The following DOCK6 variants were observed in gnomAD, a reference collection of about 807,000 sequenced individuals.
DOCK6 encodes the protein dedicator of cytokinesis 6.
In DOCK6, 167 loss-of-function variants were observed where a neutral mutation model predicts 230.3. The ratio of observed to expected loss-of-function variants is 0.73; its 90% CI spans 0.64 to 0.82. The LOEUF is 0.82. DOCK6 is among the 40% of genes least tolerant of loss of function. The pLI is 0.00. For missense variants in DOCK6, 2,598 were observed against 2,825.8 expected (o/e 0.92, Z 1.83); for synonymous variants, 1,148 against 1,185.0 (o/e 0.97, Z 0.64).
chr19:11,242,091 G>T lies in DOCK6; in HGVS notation c.1597C>A (p.Leu533Met), dbSNP rs748964635. The T allele has an allele frequency of 1.3e-6, 2 of 1,538,456 alleles. No individual in the cohort carries two copies. Among genetic ancestry groups the T allele is most frequent in the South Asian group, 2.6e-5 (2 of 77,870 alleles). Residue 533 changes from leucine to methionine, a missense_variant, in exon 14 of 48, where the codon CTG (leucine) becomes ATG (methionine). Physicochemically the swap from Leu to Met is conservative, Grantham distance 15. Coordinates refer to ENST00000294618, the MANE Select transcript of DOCK6 (RefSeq NM_020812.4). ...DPRGRPTKEILEFPAREVYAP... is the reference protein window; with the variant it reads ...DPRGRPTKEIMEFPAREVYAP... ...TAGACTTCGCGGGCGGGGAACTCCA[G>T]AATCTCCTTGGTGGGCCGGCCCCTG... is the stretch of plus-strand genomic sequence containing the variant.
chr19:11,203,720 A>T (rs2079208898), intron 41 of DOCK6: 1 of 367,468 alleles, frequency 2.7e-6, no homozygotes, highest in Non-Finnish European at 5.0e-6. Context: ...AGATACCAAG[A>T]TAGGGAGAGC....
intron 22 of DOCK6, among the ~76,000 whole-genome samples, chr19:11,231,089 G>A (rs1013418978): frequency 2.0e-5 from 3 of 152,176 alleles, no homozygotes; most frequent in Non-Finnish European, 4.4e-5. Flanking sequence ...ACTGCCCAAA[G>A]GCCCCCCCTG....
Position 11,236,176 on chromosome 19 carries a change from G to A in DOCK6, c.2392+170C>T, listed in dbSNP as rs568385417. On this transcript the variant is annotated intron_variant, in intron 20 of 47. Transcript: ENST00000294618. This position sits in a 1 kb window ranked among gnomAD's most constrained non-coding sequence, Gnocchi z 5.2. ...ATGACAGGCGTGAACCGCTGCACCC[G>A]GGCCAAAGGGTCACAGAAGACCTTC... 5.2e-5 allele frequency: 37 copies of A among 711,634 alleles called. No individual in the cohort carries two copies. The highest frequency in any genetic ancestry group is 1.6e-4 in the African/African-American group (9 of 55,914). 44.1% of individuals were successfully genotyped at this position (711,634 alleles called of 1,614,324 possible).
rs754447735 is a variant in DOCK6 at position 11,215,864 on chromosome 19, G to A, written c.3958C>T (p.Arg1320Trp). The A allele has an allele frequency of 5.0e-6, 8 of 1,613,870 alleles. No individual in the cohort carries two copies. Among genetic ancestry groups the A allele is most frequent in the South Asian group, 1.1e-5 (1 of 91,072 alleles). Residue 1320 changes from arginine to tryptophan, a missense_variant, in exon 31 of 48, where the codon CGG becomes TGG. By Grantham distance (101) the Arg-to-Trp change is moderately radical. Transcript: ENST00000294618. ...GTACCCAGAATGGCTTCCTCTAGCCGCGCCTTCATATCCAGAGATTTTTTG... is the reference window on the plus strand; with the variant it reads ...GTACCCAGAATGGCTTCCTCTAGCCACGCCTTCATATCCAGAGATTTTTTG... ...TFKKSLDMKA[R>W]LEEAILGTIG...
intron 8 of DOCK6, 50 bp from the exon 9 acceptor site, chr19:11,245,762 C>A (rs1407003262): frequency 6.2e-7 from 1 of 1,604,470 alleles, no homozygotes; most frequent in Non-Finnish European, 8.5e-7. Flanking sequence ...AGCCCACAGC[C>A]CCCCAACAAG....
intron 21 of DOCK6, among the ~76,000 whole-genome samples, chr19:11,234,140 C>T (rs1037767027): frequency 7.2e-5 from 11 of 152,154 alleles, no homozygotes; most frequent in Non-Finnish European, 1.6e-4. Flanking sequence ...GCTGGGACTA[C>T]AGGCGTGAGC....
At chr19:11,237,258 A>G (rs774130349) in intron 18 of DOCK6, 198 bp downstream of exon 18, 3 of 641,776 alleles carry the variant, frequency 4.7e-6, no homozygotes, top group Non-Finnish European at 8.2e-6. Flanking sequence ...GGAATGGAGC[A>G]GAGAGGCAAT....
chr19:11,230,130 G>A (rs942658871), intron 22 of DOCK6, among the ~76,000 whole-genome samples: 5 of 151,448 alleles, frequency 3.3e-5, no homozygotes, highest in Admixed American at 1.3e-4. Context: ...TCAGGAGATC[G>A]AGACCATCCT....
chr19:11,213,403 G>A (rs2079427586), intron 34 of DOCK6, 75 bp from the exon 35 acceptor site: 26 of 1,536,434 alleles, frequency 1.7e-5, no homozygotes, highest in Non-Finnish European at 2.2e-5. Context: ...GCCCAAATGA[G>A]GACTGCTTGG....
chr19:11,251,091 C>T lies in DOCK6; in HGVS notation c.508-5G>A, dbSNP rs764200144. On this transcript the variant is annotated splice_polypyrimidine_tract_variant and splice_region_variant and intron_variant, in intron 5 of 47. Coordinates refer to ENST00000294618, the MANE Select transcript of DOCK6 (RefSeq NM_020812.4). The stretch of plus-strand genomic sequence containing the variant: ...CGAGCCACGCCGGGAGTCATTCTGC[C>T]AGTGGAGAATGTGCAAGCACTGAGT... The T allele has an allele frequency of 6.8e-6, 11 of 1,606,898 alleles. No homozygotes were observed. The East Asian group carries it at 2.0e-4, about 29-fold the overall frequency.
In DOCK6 at chr19:11,243,676, G is replaced by A. The variant is rs1311161300; in HGVS notation, c.1139C>T (p.Ala380Val). Reference protein sequence around the residue: ...KEKLEKLRLAAEQFCTRLGRY... With the variant: ...KEKLEKLRLAVEQFCTRLGRY... The stretch of plus-strand genomic sequence containing the variant: ...GCCCAGGCGGGTGCAGAACTGCTCG[G>A]CCGCCAGGCGCAGCTTCTCTAGCTT... Residue 380 changes from alanine to valine, a missense_variant, in exon 11 of 48, where the codon GCC becomes GTC. Physicochemically the swap from Ala to Val is moderately conservative, Grantham distance 64 (BLOSUM62 0). Coordinates refer to ENST00000294618, the MANE Select transcript of DOCK6 (RefSeq NM_020812.4). This position sits in a 1 kb window ranked among gnomAD's most constrained non-coding sequence, Gnocchi z 6.3. The A allele has an allele frequency of 9.3e-6, 15 of 1,613,192 alleles. No homozygotes were observed. Among genetic ancestry groups the A allele is most frequent in the Admixed American group, 1.7e-5 (1 of 59,970 alleles).
Position 11,202,399 on chromosome 19 carries a change from G to T in DOCK6, c.5446C>A (p.Gln1816Lys). 2 of 1,613,760 alleles carry T rather than the reference G, an allele frequency of 1.2e-6. No individual in the cohort carries two copies. Among genetic ancestry groups the T allele is most frequent in the Non-Finnish European group, 1.7e-6 (2 of 1,179,806 alleles). ...GAAATGGTTGGGGGACCCACCTTTT[G>T]TGAGTCAAGCTTGGACTTGTCCACA... ...NPVDKSKLDS[Q>K]KAYIQITYVE... The change falls in exon 43 of 48, where the codon CAA (glutamine) becomes AAA (lysine). Residue 1816 changes from glutamine (Q) to lysine (K), a missense_variant. Physicochemically the swap from Gln to Lys is moderately conservative, Grantham distance 53. Transcript: ENST00000294618. The surrounding 1 kb of genome is among the most constrained non-coding windows in gnomAD (Gnocchi z 5.3).
chr19:11,212,707 C>T (rs1223209271), intron 35 of DOCK6, among the ~76,000 whole-genome samples: 1 of 151,218 alleles, frequency 6.6e-6, no homozygotes, highest in Non-Finnish European at 1.5e-5. Context: ...GGATTACAGG[C>T]ACCCGCCACC....
Position 11,202,557 on chromosome 19 carries a change from G to T in DOCK6, c.5361+27C>A, listed in dbSNP as rs1420685055. On this transcript the variant is annotated intron_variant, in intron 42 of 47. Transcript: ENST00000294618. This position sits in a 1 kb window ranked among gnomAD's most constrained non-coding sequence, Gnocchi z 5.3. ...CAGCCCCAAGGCAGCCCCATGCCCC[G>T]TTCCACCCCCAACCACAAGGACGTG... is the stretch of plus-strand genomic sequence containing the variant. 1.2e-6 allele frequency: 2 copies of T among 1,613,878 alleles called. No homozygotes were observed. The highest frequency in any genetic ancestry group is 1.3e-5 in the African/African-American group (1 of 75,040).
rs781309226 is a variant in DOCK6, at chr19:11,202,125, C to T, written c.5452G>A (p.Ala1818Thr). Reference sequence around the variant, plus strand: ...TCCACATACGTGATCTGGATGTAGGCCTGGGCGCAGGGTCAGGTGTGAGGA... The same window carrying T: ...TCCACATACGTGATCTGGATGTAGGTCTGGGCGCAGGGTCAGGTGTGAGGA... ...VDKSKLDSQK[A>T]YIQITYVEPY... The change falls in exon 44 of 48, where the codon GCC becomes ACC. Residue 1818 changes from alanine (A) to threonine (T), a missense_variant and splice_region_variant. Coordinates refer to ENST00000294618, the MANE Select transcript of DOCK6 (RefSeq NM_020812.4). The surrounding 1 kb of genome is among the most constrained non-coding windows in gnomAD (Gnocchi z 5.3). 2 of 1,613,698 alleles carry T rather than the reference C, an allele frequency of 1.2e-6. No homozygotes were observed. Among genetic ancestry groups the T allele is most frequent in the African/African-American group, 1.3e-5 (1 of 74,926 alleles).
Position 11,233,441 on chromosome 19 carries a change from A to G in DOCK6, c.2555-75T>C, listed in dbSNP as rs564261487. 231 of 1,524,196 alleles carry G rather than the reference A, an allele frequency of 1.5e-4. 1 individual carries two copies. In the South Asian group the frequency reaches 2.5e-3, roughly 17 times the overall value. 94.4% of individuals were successfully genotyped at this position (1,524,196 alleles called of 1,614,324 possible). A position where few individuals can be genotyped will look rare whatever the true frequency, so the allele number is the denominator to read the frequency against. On this transcript the variant is annotated intron_variant, in intron 21 of 47. Coordinates refer to ENST00000294618, the MANE Select transcript of DOCK6 (RefSeq NM_020812.4). ...CTCCCAGTCCCTTCCTACTCAGCTA[A>G]TCTCTGCAAAATCACTTTCCTTCTC...
chr19:11,236,925 CTGAT>C lies in DOCK6; in HGVS notation c.2074-50_2074-47del. 1 of 1,523,680 alleles carries C rather than the reference CTGAT, an allele frequency of 6.6e-7. No homozygotes were observed. Among genetic ancestry groups the C allele is most frequent in the Non-Finnish European group, 8.9e-7 (1 of 1,129,120 alleles). The allele number at this position is 1,523,680 out of a possible 1,614,324, so 94.4% of individuals were successfully genotyped here. A position where few individuals can be genotyped will look rare whatever the true frequency, so the allele number is the denominator to read the frequency against. ...GTGGGCACTGGTCAGCCCTCCCTGA[CTGAT>C]CAGGTCACCCAGCGGCCCCAGCCAT... is the stretch of plus-strand genomic sequence containing the variant. On this transcript the variant is annotated intron_variant, in intron 18 of 47. Coordinates refer to ENST00000294618, the MANE Select transcript of DOCK6 (RefSeq NM_020812.4). This position sits in a 1 kb window ranked among gnomAD's most constrained non-coding sequence, Gnocchi z 5.2.
intron 39 of DOCK6, among the ~76,000 whole-genome samples, chr19:11,207,264 A>G (rs1207180005): frequency 1.2e-4 from 18 of 151,846 alleles, no homozygotes. Context: ...CACGATTACA[A>G]CTCATTGTAG....
chr19:11,199,380 C>A lies in DOCK6; in HGVS notation c.*117G>T. ...GACACAGGGGCAGAGGGCCCAGCCC[C>A]AAGTACAGTGTGGTCACCCCACAGC... On this transcript the variant is annotated 3_prime_UTR_variant, in exon 48 of 48. Transcript: ENST00000294618. 1.6e-6 allele frequency: 2 copies of A among 1,256,516 alleles called. No homozygotes were observed. The highest frequency in any genetic ancestry group is 2.6e-5 in the South Asian group (2 of 77,674). The allele number at this position is 1,256,516 out of a possible 1,614,324, so 77.8% of individuals were successfully genotyped here. A position where few individuals can be genotyped will look rare whatever the true frequency, so the allele number is the denominator to read the frequency against.
Sources: gnomAD v4.1 joint callset for allele counts (sites outside exome capture counted in the v4.1 genomes callset) on GRCh38, gnomAD v4.1.1 for gene constraint, Gnocchi (gnomAD v3.1) non-coding constraint, MANE v1.5 for transcripts, NCBI Gene and HGNC (gene_info 2026-07-23, HGNC 2026-07-21) for gene names.